LDLRAD3: variants seen among roughly 807,000 people sequenced by gnomAD.
LDLRAD3 encodes the protein low density lipoprotein receptor class A domain containing 3.
In LDLRAD3, 20 loss-of-function variants were observed where a neutral mutation model predicts 29.4. The observed-to-expected ratio is 0.68, with a 90% CI of 0.48 to 0.99. The LOEUF is 0.99. Ranked by LOEUF, LDLRAD3 falls within the 50% of genes least tolerant of loss-of-function variation. The pLI, the probability that LDLRAD3 is intolerant of heterozygous loss-of-function variation, is 0.00. For synonymous variants in LDLRAD3, 157 were observed against 192.7 expected (o/e 0.81, Z 1.53); for missense variants, 420 against 454.3 (o/e 0.92, Z 0.69).
At chr11:36,068,035 C>A (rs1825857935) in intron 2 of LDLRAD3, among the ~76,000 whole-genome samples, 2 of 152,150 alleles carry the variant, frequency 1.3e-5, no homozygotes, top group Admixed American at 1.3e-4. Context: ...TCATTGCAAT[C>A]ATCTGCTTAT....
intron 4 of LDLRAD3, among the ~76,000 whole-genome samples, chr11:36,188,112 A>C (rs920472277): frequency 5.9e-5 from 9 of 152,038 alleles, no homozygotes; most frequent in African/African-American, 1.9e-4. Context: ...CATGCTTTCT[A>C]TGTTGAAAAG....
chr11:36,055,063 G>T (rs200095906), intron 2 of LDLRAD3, among the ~76,000 whole-genome samples: 1 of 2,440 alleles, frequency 4.1e-4, no homozygotes, highest in African/African-American at 1.6e-3. Context: ...AGATGAATGG[G>T]TGGATGGATA....
chr11:36,133,031 C>T (rs890529506), intron 4 of LDLRAD3, among the ~76,000 whole-genome samples: 1 of 152,208 alleles, frequency 6.6e-6, no homozygotes, highest in African/African-American at 2.4e-5. Context: ...AAAACAGCCT[C>T]TTGTCTAGTG....
chr11:36,120,497 T>C (rs1472286035), intron 4 of LDLRAD3, among the ~76,000 whole-genome samples: 3 of 151,972 alleles, frequency 2.0e-5, no homozygotes, highest in African/African-American at 7.3e-5. Context: ...GATCTTAGAC[T>C]AAGTTAGCAC....
intron 4 of LDLRAD3, among the ~76,000 whole-genome samples, chr11:36,110,559 C>G (rs1853591416): frequency 6.6e-6 from 1 of 152,150 alleles, no homozygotes. Flanking sequence ...GACATTTATC[C>G]CTCCATGGAC....
At chr11:36,170,818 T>G (rs1176364474) in intron 4 of LDLRAD3, among the ~76,000 whole-genome samples, 1 of 151,926 alleles carries the variant, frequency 6.6e-6, no homozygotes, top group Admixed American at 6.5e-5. Context: ...TTTTTTTTTT[T>G]TTGAGACGGA....
At chr11:35,993,703 A>G (rs994536461) in intron 1 of LDLRAD3, among the ~76,000 whole-genome samples, 2 of 150,270 alleles carry the variant, frequency 1.3e-5, no homozygotes, top group African/African-American at 4.9e-5. Context: ...GTAAATGAGG[A>G]GTAGGGAGTG....
At chr11:35,951,491 C>T (rs1173902588) in intron 1 of LDLRAD3, among the ~76,000 whole-genome samples, 2 of 152,166 alleles carry the variant, frequency 1.3e-5, no homozygotes, top group African/African-American at 2.4e-5. Context: ...TTGCTTTGCT[C>T]GGCTCTTGAA....
At chr11:36,220,635 T>C (rs1382328590) in intron 4 of LDLRAD3, among the ~76,000 whole-genome samples, 1 of 152,224 alleles carries the variant, frequency 6.6e-6, no homozygotes, top group Non-Finnish European at 1.5e-5. Context: ...TTACATACTG[T>C]AGGATACTGC....
chr11:36,053,327 C>T (rs1432294241), intron 2 of LDLRAD3, among the ~76,000 whole-genome samples: 1 of 152,108 alleles, frequency 6.6e-6, no homozygotes, highest in Non-Finnish European at 1.5e-5. Flanking sequence ...GAGCTCACTT[C>T]CAACTATCAT....
rs1177949427 is a variant in LDLRAD3 at position 35,990,916 on chromosome 11, A to G, written c.47-45187A>G. Reference sequence around the variant, plus strand: ...TAGGCTTTGAACATATCTTTTTGGGAGACTCAGTGCTAACCTCAGTAACAT... The same window carrying G: ...TAGGCTTTGAACATATCTTTTTGGGGGACTCAGTGCTAACCTCAGTAACAT... On this transcript the variant is annotated intron_variant, in intron 1 of 5. Transcript: ENST00000315571. Among the ~76,000 whole-genome samples the G allele has an allele frequency of 2.0e-5, 3 of 152,322 alleles. No individual in the cohort carries two copies. In the East Asian group the frequency reaches 5.8e-4, roughly 29 times the overall value.
intron 1 of LDLRAD3, among the ~76,000 whole-genome samples, chr11:36,012,390 A>G (rs1851967009): frequency 6.6e-6 from 1 of 152,172 alleles, no homozygotes; most frequent in African/African-American, 2.4e-5. Context: ...ACCTCAGCAT[A>G]AGTTTTTTTT....
At chr11:36,179,746 A>C (rs1258010516) in intron 4 of LDLRAD3, among the ~76,000 whole-genome samples, 1 of 151,512 alleles carries the variant, frequency 6.6e-6, no homozygotes, top group African/African-American at 2.4e-5. Flanking sequence ...TAATTCCAGC[A>C]CTTTGGGAGG....
At chr11:36,138,380 C>T (rs1271229140) in intron 4 of LDLRAD3, among the ~76,000 whole-genome samples, 1 of 152,196 alleles carries the variant, frequency 6.6e-6, no homozygotes, top group Non-Finnish European at 1.5e-5. Context: ...TTGATAGTCT[C>T]TTTTATCTTT....
chr11:35,968,997 T>TG (rs1851376852), intron 1 of LDLRAD3, among the ~76,000 whole-genome samples: 1 of 152,162 alleles, frequency 6.6e-6, no homozygotes, highest in South Asian at 2.1e-4. Flanking sequence ...GCATATGGTG[T>TG]GCGTACCAAG....
rs142778303 is a variant in LDLRAD3 at position 36,046,664 on chromosome 11, A to G, written c.193+10415A>G. On this transcript the variant is annotated intron_variant, in intron 2 of 5. Coordinates refer to ENST00000315571, the MANE Select transcript of LDLRAD3 (RefSeq NM_174902.4). ...GTCCCAGGGCACTGTTCAACCTGCT[A>G]CACTGGGTAAATATTGAGGAGGTAA... is the stretch of plus-strand genomic sequence containing the variant. Among the ~76,000 whole-genome samples, 284 of 152,286 alleles carry G rather than the reference A, an allele frequency of 1.9e-3. 1 individual carries two copies. Among genetic ancestry groups the G allele is most frequent in the African/African-American group, 6.4e-3 (268 of 41,562 alleles).
chr11:36,128,511 T>TG (rs1342348280), intron 4 of LDLRAD3, among the ~76,000 whole-genome samples: 1 of 152,002 alleles, frequency 6.6e-6, no homozygotes, highest in East Asian at 1.9e-4. Context: ...TCGAGAGCAG[T>TG]GGGGAGCCCA....
chr11:36,083,456 A>C (rs1853146829), intron 3 of LDLRAD3, among the ~76,000 whole-genome samples: 1 of 152,208 alleles, frequency 6.6e-6, no homozygotes, highest in Non-Finnish European at 1.5e-5. Flanking sequence ...GACACTATTC[A>C]TATTTATCCC....
At chr11:36,105,503 C>A (rs1258361245) in intron 4 of LDLRAD3, among the ~76,000 whole-genome samples, 1 of 152,040 alleles carries the variant, frequency 6.6e-6, no homozygotes, top group Non-Finnish European at 1.5e-5. Flanking sequence ...GAAATAGGGT[C>A]ATTGCAGATG....
Sources: gnomAD v4.1 joint callset for allele counts (sites outside exome capture counted in the v4.1 genomes callset) on GRCh38, gnomAD v4.1.1 for gene constraint, MANE v1.5 for transcripts, NCBI Gene and HGNC (gene_info 2026-07-23, HGNC 2026-07-21) for gene names.